The following CCDC170 variants were observed in gnomAD, a reference collection of about 807,000 sequenced individuals.
CCDC170 encodes coiled-coil domain-containing protein 170.
A neutral mutation model predicts 72.6 loss-of-function variants in CCDC170; 69 were observed. That is an observed-to-expected ratio of 0.95 (90% confidence interval 0.78 to 1.16). The LOEUF is 1.16. CCDC170 is among the 50% of genes most tolerant of loss of function. CCDC170 has a pLI of 0.00. For missense variants in CCDC170, 852 were observed against 832.5 expected, an observed-to-expected ratio of 1.02 and a Z score of -0.29; for synonymous variants, 300 against 303.9, an observed-to-expected ratio of 0.99 and a Z score of 0.13.
intron 3 of CCDC170, among the ~76,000 whole-genome samples, chr6:151,543,714 A>G (rs1416796327): frequency 6.6e-6 from 1 of 152,190 alleles, no homozygotes; most frequent in South Asian, 2.1e-4. Flanking sequence ...GAGTGAAAAC[A>G]TGAGGTAATT....
At position 151,532,621 on chromosome 6, in the gene CCDC170, G is replaced by GA. The variant is rs1174523453; in HGVS notation, c.58-3688dup. On this transcript the variant is annotated intron_variant, in intron 1 of 10. Coordinates refer to ENST00000239374, the MANE Select transcript of CCDC170 (RefSeq NM_025059.4). ...CTCTGTCTCAAAAGAAAAAAAAAAA[G>GA]AAAAAAAAAGAATAAGGCTTCTTGA... is the stretch of plus-strand genomic sequence containing the variant. 2.7e-5 allele frequency among the ~76,000 whole-genome samples: 4 copies of GA among 148,384 alleles called. No homozygotes were observed. The South Asian group carries it at 6.4e-4, about 24-fold the overall frequency.
At chr6:151,581,582 C>A (rs969191107) in intron 6 of CCDC170, among the ~76,000 whole-genome samples, 1 of 152,186 alleles carries the variant, frequency 6.6e-6, no homozygotes, top group Non-Finnish European at 1.5e-5. Flanking sequence ...TTATTTTGAC[C>A]TCCTCTTATG....
At chr6:151,613,374 G>A (rs888719531) in intron 9 of CCDC170, among the ~76,000 whole-genome samples, 1 of 152,236 alleles carries the variant, frequency 6.6e-6, no homozygotes, top group Non-Finnish European at 1.5e-5. Flanking sequence ...CTGCACTCCA[G>A]CCTGGGTGAC....
chr6:151,520,463 G>A (rs943523897), intron 1 of CCDC170, among the ~76,000 whole-genome samples: 1 of 152,226 alleles, frequency 6.6e-6, no homozygotes, highest in African/African-American at 2.4e-5. Context: ...CTTCCTAGGT[G>A]TAGGCTGAAA....
intron 1 of CCDC170, among the ~76,000 whole-genome samples, chr6:151,522,317 T>C (rs1237747661): frequency 6.6e-6 from 1 of 152,228 alleles, no homozygotes; most frequent in East Asian, 1.9e-4. Context: ...GCATTGTATC[T>C]TGTTAGATAT....
rs927000472 is a variant in CCDC170, at chr6:151,599,226, C to G, written c.1710+2649C>G. 3.9e-5 allele frequency among the ~76,000 whole-genome samples: 6 copies of G among 152,192 alleles called. No homozygotes were observed. In the South Asian group the frequency reaches 1.2e-3, roughly 31 times the overall value. Reference sequence around the variant, plus strand: ...GATCTAACACTTTTGAAGAATTTCTCTTACCCATAGGGAGGTGCTTTCATG... The same window carrying G: ...GATCTAACACTTTTGAAGAATTTCTGTTACCCATAGGGAGGTGCTTTCATG... On this transcript the variant is annotated intron_variant, in intron 9 of 10. Coordinates refer to ENST00000239374, the MANE Select transcript of CCDC170 (RefSeq NM_025059.4).
chr6:151,609,377 A>G (rs1006856821), intron 9 of CCDC170, among the ~76,000 whole-genome samples: 19 of 152,186 alleles, frequency 1.2e-4, no homozygotes, highest in Non-Finnish European at 2.6e-4. Flanking sequence ...CAGCTTCCTG[A>G]AACCTTCCAG....
chr6:151,575,718 C>T (rs1238457330), intron 6 of CCDC170, among the ~76,000 whole-genome samples: 9 of 151,366 alleles, frequency 5.9e-5, no homozygotes, highest in Admixed American at 3.3e-4. Context: ...TTAGTAGAGA[C>T]GGGGTTTCAC....
At chr6:151,576,109 G>A (rs942161270) in intron 6 of CCDC170, among the ~76,000 whole-genome samples, 1 of 152,164 alleles carries the variant, frequency 6.6e-6, no homozygotes, top group African/African-American at 2.4e-5. Context: ...CACATTCAGT[G>A]GAAACCACAC....
chr6:151,562,742 G>C (rs746380362), intron 5 of CCDC170, among the ~76,000 whole-genome samples: 4 of 152,168 alleles, frequency 2.6e-5, no homozygotes, highest in Non-Finnish European at 4.4e-5. Flanking sequence ...TCCAGTAAAT[G>C]GTGCTTAAGA....
intron 1 of CCDC170, among the ~76,000 whole-genome samples, chr6:151,506,170 A>G (rs1269405376): frequency 6.6e-6 from 1 of 152,202 alleles, no homozygotes; most frequent in Non-Finnish European, 1.5e-5. Context: ...CCTGAGTTAT[A>G]TCCTCATGGA....
At chr6:151,540,987 A>C (rs1782680480) in intron 3 of CCDC170, among the ~76,000 whole-genome samples, 1 of 152,138 alleles carries the variant, frequency 6.6e-6, no homozygotes, top group African/African-American at 2.4e-5. Context: ...GTTTTCTATG[A>C]GCCAAAAGGC....
Position 151,494,149 on chromosome 6 carries a change from C to G in CCDC170, c.21C>G (p.Ser7Arg). Residue 7 changes from serine (S) to arginine (R), a missense_variant, in exon 1 of 11, where the codon AGC becomes AGG. Ser to Arg is a moderately radical substitution (Grantham distance 110). Transcript: ENST00000239374. MSLDCT[S>R]HIALGAASPA... Reference sequence around the variant, plus strand: ...TCGTCATGAGCCTGGACTGCACCAGCCATATCGCGCTGGGTGCCGCTTCGC... The same window carrying G: ...TCGTCATGAGCCTGGACTGCACCAGGCATATCGCGCTGGGTGCCGCTTCGC... 6.5e-7 allele frequency: 1 copy of G among 1,528,936 alleles called. No homozygotes were observed. Among genetic ancestry groups the G allele is most frequent in the South Asian group, 1.2e-5 (1 of 81,994 alleles). The allele number at this position is 1,528,936 out of a possible 1,614,324, so 94.7% of individuals were successfully genotyped here. A position where few individuals can be genotyped will look rare whatever the true frequency, so the allele number is the denominator to read the frequency against.
intron 1 of CCDC170, among the ~76,000 whole-genome samples, chr6:151,497,423 A>G (rs1038356270): frequency 7.2e-5 from 11 of 152,148 alleles, no homozygotes; most frequent in African/African-American, 2.7e-4. Flanking sequence ...AATCAAGAAA[A>G]ACAGACACAT....
chr6:151,584,153 T>C (rs1047633194), intron 6 of CCDC170, among the ~76,000 whole-genome samples: 1 of 152,200 alleles, frequency 6.6e-6, no homozygotes, highest in African/African-American at 2.4e-5. Flanking sequence ...TGTAAAAAAC[T>C]AAAATATCTG....
At chr6:151,605,958 A>G (rs1426710251) in intron 9 of CCDC170, among the ~76,000 whole-genome samples, 2 of 148,846 alleles carry the variant, frequency 1.3e-5, no homozygotes, top group African/African-American at 2.5e-5. Context: ...CTGGAGTGCA[A>G]TGGCGTGATC....
In CCDC170 at chr6:151,585,990, G is replaced by T; in HGVS notation, c.1194G>T (p.Glu398Asp). 1.2e-6 allele frequency: 2 copies of T among 1,614,184 alleles called. No homozygotes were observed. Among genetic ancestry groups the T allele is most frequent in the East Asian group, 2.2e-5 (1 of 44,880 alleles). ...CTCTCCAGAGGGCCCAGAAAGCAGA[G>T]AATATGTTGGAGACTCTTCAGGGTC... ...QKALQRAQKAENMLETLQGQL... is the reference protein window; with the variant it reads ...QKALQRAQKADNMLETLQGQL... The change falls in exon 7 of 11, where the codon GAG becomes GAT. Residue 398 changes from glutamate (E) to aspartate (D), a missense_variant. Transcript: ENST00000239374.
rs1777005339 is a variant in CCDC170 at position 151,618,453 on chromosome 6, G to T, written c.*306G>T. The T allele has an allele frequency of 6.2e-6, 2 of 324,678 alleles. No individual in the cohort carries two copies. The highest frequency in any genetic ancestry group is 5.7e-6 in the Non-Finnish European group (1 of 174,926). 20.1% of individuals were successfully genotyped at this position (324,678 alleles called of 1,614,324 possible). A position where few individuals can be genotyped will look rare whatever the true frequency, so the allele number is the denominator to read the frequency against. On this transcript the variant is annotated 3_prime_UTR_variant, in exon 11 of 11. Coordinates refer to ENST00000239374, the MANE Select transcript of CCDC170 (RefSeq NM_025059.4). ...TGGGAGGTATCTATTTTAAGTCAGGGGCTTTACTAGCCGATTTAGTTCTCA... is the reference window on the plus strand; with the variant it reads ...TGGGAGGTATCTATTTTAAGTCAGGTGCTTTACTAGCCGATTTAGTTCTCA...
At chr6:151,525,720 T>A (rs1782394065) in intron 1 of CCDC170, among the ~76,000 whole-genome samples, 1 of 152,208 alleles carries the variant, frequency 6.6e-6, no homozygotes, top group Non-Finnish European at 1.5e-5. Flanking sequence ...GCTTTATTGC[T>A]CACACAAAGC....
Sources: allele counts gnomAD v4.1 joint callset (sites outside exome capture counted in the v4.1 genomes callset), GRCh38; gene constraint gnomAD v4.1.1; transcripts MANE v1.5; gene names NCBI Gene and HGNC (gene_info 2026-07-23, HGNC 2026-07-21).